The following C10orf90 variants were observed in gnomAD, a reference collection of about 807,000 sequenced individuals.
C10orf90 encodes the protein (E2-independent) E3 ubiquitin-conjugating enzyme FATS.
A neutral mutation model predicts 62.5 loss-of-function variants in C10orf90; 56 were observed. The ratio of observed to expected loss-of-function variants is 0.90; its 90% CI spans 0.72 to 1.12. The LOEUF (loss-of-function observed/expected upper bound fraction) is 1.12. C10orf90 is among the 50% of genes most tolerant of loss of function. The pLI is 0.00. For synonymous variants in C10orf90, 386 were observed against 340.4 expected (o/e 1.13, Z -1.47); for missense variants, 970 against 880.4 (o/e 1.10, Z -1.29).
intron 4 of C10orf90, among the ~76,000 whole-genome samples, chr10:126,485,068 A>G (rs550486951): frequency 6.6e-6 from 1 of 152,212 alleles, no homozygotes; most frequent in Admixed American, 6.5e-5. Flanking sequence ...CCCTAATCTC[A>G]GTGTGATATT....
chr10:126,499,814 G>A (rs1000707051), intron 4 of C10orf90, among the ~76,000 whole-genome samples: 6 of 152,166 alleles, frequency 3.9e-5, no homozygotes, highest in Admixed American at 1.3e-4. Context: ...TGTGGACAGC[G>A]TATTCACTAG....
chr10:126,563,445 G>A (rs1864949382), intron 2 of C10orf90, among the ~76,000 whole-genome samples: 1 of 152,192 alleles, frequency 6.6e-6, no homozygotes, highest in African/African-American at 2.4e-5. Context: ...GTCACTGGGT[G>A]TGCAGCGTGG....
chr10:126,531,854 G>A (rs371053015), intron 2 of C10orf90, among the ~76,000 whole-genome samples: 1 of 152,178 alleles, frequency 6.6e-6, no homozygotes. Context: ...CCACAGACTG[G>A]GATAAAATAT....
rs544647558 is a variant in C10orf90, at chr10:126,534,022, T to C, written c.314-20083A>G. Among the ~76,000 whole-genome samples the C allele has an allele frequency of 3.3e-5, 5 of 152,166 alleles. 1 individual carries two copies. The South Asian group carries it at 1.0e-3, about 32-fold the overall frequency. On this transcript the variant is annotated intron_variant, in intron 2 of 9. Transcript: ENST00000488181. ...AAAGCCTCCAAAATTGCTGTACACA[T>C]AGAGAAGAGGGAGGAGGAGATGTGA...
intron 2 of C10orf90, among the ~76,000 whole-genome samples, chr10:126,595,476 T>G (rs1214862543): frequency 1.3e-5 from 2 of 152,208 alleles, no homozygotes; most frequent in Non-Finnish European, 2.9e-5. Flanking sequence ...TCATTTTCAA[T>G]GTTTAAAATG....
intron 2 of C10orf90, among the ~76,000 whole-genome samples, chr10:126,516,394 GC>G (rs1196810732): frequency 6.6e-6 from 1 of 152,178 alleles, no homozygotes; most frequent in African/African-American, 2.4e-5. Flanking sequence ...TGGTCAGAAA[GC>G]CACTGGAATC....
At chr10:126,469,112 C>G (rs1860435832) in intron 4 of C10orf90, among the ~76,000 whole-genome samples, 1 of 152,082 alleles carries the variant, frequency 6.6e-6, no homozygotes, top group African/African-American at 2.4e-5. Flanking sequence ...TCAGTCACAT[C>G]TCAAAGGAAG....
chr10:126,649,188 AT>A, intron 1 of C10orf90, among the ~76,000 whole-genome samples: 1 of 151,636 alleles, frequency 6.6e-6, no homozygotes, highest in South Asian at 2.1e-4. Context: ...TGCACTATTG[AT>A]TCAAGAATTT....
At chr10:126,474,675 A>G (rs1860759886) in intron 4 of C10orf90, among the ~76,000 whole-genome samples, 1 of 152,250 alleles carries the variant, frequency 6.6e-6, no homozygotes, top group Admixed American at 6.5e-5. Context: ...TTGACACCAA[A>G]CATCGGTCAT....
intron 3 of C10orf90, among the ~76,000 whole-genome samples, chr10:126,505,529 G>A (rs1449546988): frequency 6.6e-6 from 1 of 152,146 alleles, no homozygotes; most frequent in African/African-American, 2.4e-5. Context: ...AAACAGCAAC[G>A]GTGGTTACCA....
At chr10:126,621,810 C>T (rs1051085395) in intron 2 of C10orf90, among the ~76,000 whole-genome samples, 3 of 152,088 alleles carry the variant, frequency 2.0e-5, no homozygotes, top group African/African-American at 7.2e-5. Context: ...AAGAGAATTC[C>T]CCTGACTTTG....
intron 3 of C10orf90, among the ~76,000 whole-genome samples, chr10:126,506,919 A>AGTGTGTGTGTGTGT (rs61651582): frequency 1.6e-3 from 232 of 149,426 alleles, no homozygotes; most frequent in African/African-American, 4.8e-3. Context: ...CAGGAGGGCC[A>AGTGTGTGTGTGTGT]GTGTGTGTGT....
intron 4 of C10orf90, among the ~76,000 whole-genome samples, chr10:126,472,964 G>T (rs987990585): frequency 6.6e-6 from 1 of 152,108 alleles, no homozygotes; most frequent in Non-Finnish European, 1.5e-5. Flanking sequence ...AAGTTTTTTT[G>T]TGGGTTTCTC....
At chr10:126,469,910 G>T in intron 4 of C10orf90, 1 of 456,788 alleles carries the variant, frequency 2.2e-6, no homozygotes, top group South Asian at 1.5e-5. Context: ...GCAAGCGAGA[G>T]GCTGCTGCAG....
intron 2 of C10orf90, among the ~76,000 whole-genome samples, chr10:126,581,495 T>C (rs1865899): frequency 0.62 from 94,277 of 151,864 alleles, 30,105 homozygotes; most frequent in African/African-American, 0.77. Flanking sequence ...TGGTCCCAGG[T>C]ACTCCGCAAG....
chr10:126,476,202 G>C (rs1013718686), intron 4 of C10orf90, among the ~76,000 whole-genome samples: 1 of 152,144 alleles, frequency 6.6e-6, no homozygotes, highest in South Asian at 2.1e-4. Context: ...ACTTCTCAGC[G>C]CTCCTGGGGC....
intron 2 of C10orf90, among the ~76,000 whole-genome samples, chr10:126,534,237 G>A: frequency 6.6e-6 from 1 of 152,188 alleles, no homozygotes; most frequent in East Asian, 1.9e-4. Context: ...ACCTGCTTGT[G>A]CCAAACTCAG....
chr10:126,596,580 G>A (rs910050287), intron 2 of C10orf90, among the ~76,000 whole-genome samples: 2 of 152,114 alleles, frequency 1.3e-5, no homozygotes, highest in Non-Finnish European at 2.9e-5. Flanking sequence ...AAACATCAAA[G>A]CTTAGCCTAG....
chr10:126,483,897 G>T (rs751919008), intron 4 of C10orf90, among the ~76,000 whole-genome samples: 3 of 152,100 alleles, frequency 2.0e-5, no homozygotes, highest in Non-Finnish European at 4.4e-5. Flanking sequence ...GCATTTCTGT[G>T]TCTGCTGTGG....
Sources: gnomAD v4.1 joint callset for allele counts (sites outside exome capture counted in the v4.1 genomes callset) on GRCh38, gnomAD v4.1.1 for gene constraint, MANE v1.5 for transcripts, NCBI Gene and HGNC (gene_info 2026-07-23, HGNC 2026-07-21) for gene names.